The following B4GALNT4 variants were observed in gnomAD, a reference collection of about 807,000 sequenced individuals.
B4GALNT4 encodes beta-1,4-N-acetyl-galactosaminyltransferase 4.
B4GALNT4 carries 77 observed loss-of-function variants against 110.0 expected under a neutral mutation model. That is an observed-to-expected ratio of 0.70 (90% CI 0.58 to 0.85). The LOEUF is 0.85. Among genes scored for constraint, B4GALNT4 ranks in the 40% least tolerant of loss-of-function variants. The pLI is 0.00. For missense variants in B4GALNT4, 1,575 were observed against 1,506.0 expected (o/e 1.05, Z -0.76); for synonymous variants, 785 against 655.5 (o/e 1.20, Z -3.02).
intron 8 of B4GALNT4, among the ~76,000 whole-genome samples, chr11:374,328 C>A (rs927690075): frequency 2.6e-5 from 4 of 151,656 alleles, no homozygotes; most frequent in Non-Finnish European, 5.9e-5. Context: ...TCCTCAAACC[C>A]AGGGAGGTGG....
At position 369,969 on chromosome 11, in the gene B4GALNT4, G is replaced by C. The variant is rs1336665303; in HGVS notation, c.151+15G>C. On this transcript the variant is annotated intron_variant, in intron 1 of 19. Transcript: ENST00000329962. ...CTACGGGCGAGGTACGGCGCGGGGGGCGCGGGGGGCGCGGGGGGCGGGGGC... is the reference window on the plus strand; with the variant it reads ...CTACGGGCGAGGTACGGCGCGGGGGCCGCGGGGGGCGCGGGGGGCGGGGGC... The C allele has an allele frequency of 8.4e-6, 5 of 596,226 alleles. No individual in the cohort carries two copies. The highest frequency in any genetic ancestry group is 2.3e-5 in the African/African-American group (1 of 44,130). 36.9% of individuals were successfully genotyped at this position (596,226 alleles called of 1,614,324 possible). A position where few individuals can be genotyped will look rare whatever the true frequency, so the allele number is the denominator to read the frequency against.
rs114174382 is a variant in B4GALNT4 at position 371,706 on chromosome 11, C to T, written c.152-403C>T. On this transcript the variant is annotated intron_variant, in intron 1 of 19. Coordinates refer to ENST00000329962, the MANE Select transcript of B4GALNT4 (RefSeq NM_178537.5). ...GAGGCAGACGTGGAACACTCCAGCA[C>T]ACAGAGAAAGTGCTGAGGGCACAGG... Among the ~76,000 whole-genome samples the T allele has an allele frequency of 7.3e-3, 1,114 of 152,350 alleles. 21 individuals carry two copies. Among genetic ancestry groups the T allele is most frequent in the African/African-American group, 0.025 (1,052 of 41,572 alleles).
In B4GALNT4 at chr11:376,415, C is replaced by T. The variant is rs202159132; in HGVS notation, c.1298-6C>T. ...GCAGGGAGCTTCTAACCCGCGTTTC[C>T]CGCAGACTTCCTGGACGACGAGGAC... On this transcript the variant is annotated splice_polypyrimidine_tract_variant and splice_region_variant and intron_variant, in intron 13 of 19. Coordinates refer to ENST00000329962, the MANE Select transcript of B4GALNT4 (RefSeq NM_178537.5). The T allele has an allele frequency of 1.3e-4, 205 of 1,600,432 alleles. No individual in the cohort carries two copies. The African/African-American group carries it at 2.3e-3, about 18-fold the overall frequency.
chr11:369,514 C>CTCCGCGG lies in B4GALNT4; in HGVS notation c.-290_-289insTCCGCGG, dbSNP rs533035555. On this transcript the variant is annotated 5_prime_UTR_variant, in exon 1 of 20. Coordinates refer to ENST00000329962, the MANE Select transcript of B4GALNT4 (RefSeq NM_178537.5). ...GCCGGGGCCCGATCCGCGGTGGCAG[C>CTCCGCGG]CGTGGATGCTGTTCGGTCCCGCCGC... Among the ~76,000 whole-genome samples the CTCCGCGG allele has an allele frequency of 0.14, 19,098 of 137,190 alleles. 1,433 individuals are homozygous for CTCCGCGG. The highest frequency in any genetic ancestry group is 0.19 in the Admixed American group (2,639 of 14,000). 90.0% of individuals were successfully genotyped at this position (137,190 alleles called of 152,430 possible).
chr11:377,462 C>G (rs1164223300), intron 14 of B4GALNT4, 135 bp downstream of exon 14: 3 of 954,358 alleles, frequency 3.1e-6, no homozygotes, highest in Middle Eastern at 3.5e-4. Context: ...GCTGAGGCAC[C>G]GCGCCCCACC....
chr11:371,636 A>T (rs1266446847), intron 1 of B4GALNT4, among the ~76,000 whole-genome samples: 1 of 152,216 alleles, frequency 6.6e-6, no homozygotes, highest in Non-Finnish European at 1.5e-5. Flanking sequence ...TTCAGGAGAG[A>T]CTACAGTCCC....
Position 379,518 on chromosome 11 carries a change from G to C in B4GALNT4, c.2305G>C (p.Gly769Arg). Residue 769 changes from glycine to arginine, a missense_variant, in exon 15 of 20, where the codon GGC (glycine) becomes CGC (arginine). By Grantham distance (125) the Gly-to-Arg change is moderately radical. Coordinates refer to ENST00000329962, the MANE Select transcript of B4GALNT4 (RefSeq NM_178537.5). ...LELELQERGG[G>R]RLRLSEYVFL... ...GCTGGAGCTGCAGGAGCGCGGGGGC[G>C]GCCGCCTGCGACTGTCCGAGTACGT... 1 of 1,578,898 alleles carries C rather than the reference G, an allele frequency of 6.3e-7. No individual in the cohort carries two copies. Among genetic ancestry groups the C allele is most frequent in the South Asian group, 1.1e-5 (1 of 88,156 alleles).
At position 376,325 on chromosome 11, in the gene B4GALNT4, G is replaced by C. The variant is rs768215487; in HGVS notation, c.1271G>C (p.Arg424Pro). 4.3e-6 allele frequency: 7 copies of C among 1,609,426 alleles called. No individual in the cohort carries two copies. The African/African-American group carries it at 9.4e-5, about 22-fold the overall frequency. Reference protein sequence around the residue: ...DEDEEDEVQRRAFLFLNPDDF... With the variant: ...DEDEEDEVQRPAFLFLNPDDF... ...GATGAAGAAGACGAGGTGCAGCGCC[G>C]AGCCTTCCTCTTCCTCAACCCGGAC... Residue 424 changes from arginine to proline, a missense_variant, in exon 13 of 20, where the codon CGA becomes CCA. Physicochemically the swap from Arg to Pro is moderately radical, Grantham distance 103. Transcript: ENST00000329962.
chr11:379,845 C>T (rs1564872488), intron 15 of B4GALNT4, 21 bp from the exon 16 acceptor site: 2 of 1,578,192 alleles, frequency 1.3e-6, no homozygotes, highest in African/African-American at 1.3e-5. Flanking sequence ...CTCAGCGCCC[C>T]CCCCGCCTTT....
At chr11:380,492 C>T (rs748490839) in intron 18 of B4GALNT4, 47 bp downstream of exon 18, 6 of 1,540,726 alleles carry the variant, frequency 3.9e-6, no homozygotes, top group Non-Finnish European at 4.4e-6. Context: ...TTCCCACCAA[C>T]CGCCGCGGTA....
In B4GALNT4 at chr11:375,879, G is replaced by C. The variant is rs760106667; in HGVS notation, c.1018G>C (p.Val340Leu). The C allele has an allele frequency of 1.9e-6, 3 of 1,611,540 alleles. No individual in the cohort carries two copies. Among genetic ancestry groups the C allele is most frequent in the Non-Finnish European group, 2.5e-6 (3 of 1,179,454 alleles). Reference sequence around the variant, plus strand: ...CATGGAATCTTCGAGCCTGGAGAACGTGCTGGAGCCCTGCGCCTACGCCCC... The same window carrying C: ...CATGGAATCTTCGAGCCTGGAGAACCTGCTGGAGCCCTGCGCCTACGCCCC... The part of the protein sequence containing the change: ...PRMESSSLEN[V>L]LEPCAYAPTY... Residue 340 changes from valine to leucine, a missense_variant, in exon 11 of 20, where the codon GTG becomes CTG. Coordinates refer to ENST00000329962, the MANE Select transcript of B4GALNT4 (RefSeq NM_178537.5).
chr11:373,540 G>C, intron 7 of B4GALNT4, 24 bp downstream of exon 7: 1 of 1,609,268 alleles, frequency 6.2e-7, no homozygotes, highest in East Asian at 2.2e-5. Context: ...GGGTGCATGT[G>C]CGTGCACTTG....
rs1376228304 is a variant in B4GALNT4, at chr11:369,657, G to A, written c.-147G>A. ...CCTGGGGGGGTCGCGGCCGCACCCG[G>A]TGGCCGCGCACGGCGGACAAAGGAC... On this transcript the variant is annotated 5_prime_UTR_variant, in exon 1 of 20. In the 5' UTR this introduces an upstream ATG that the reference lacks. Transcript: ENST00000329962. 1.3e-5 allele frequency: 4 copies of A among 306,244 alleles called. No homozygotes were observed. The highest frequency in any genetic ancestry group is 1.9e-5 in the Non-Finnish European group (4 of 213,420). 19.0% of individuals were successfully genotyped at this position (306,244 alleles called of 1,614,324 possible).
At chr11:381,186 C>T (rs1846868184) in intron 19 of B4GALNT4, 4 of 972,238 alleles carry the variant, frequency 4.1e-6, no homozygotes, top group East Asian at 1.2e-4. Flanking sequence ...ACCAGCTCTG[C>T]CCCCGATCCC....
At position 379,981 on chromosome 11, in the gene B4GALNT4, G is replaced by C. The variant is rs1288739947; in HGVS notation, c.2604G>C (p.Met868Ile). Residue 868 changes from methionine to isoleucine, a missense_variant, in exon 16 of 20, where the codon ATG becomes ATC. Met to Ile is a conservative substitution (Grantham distance 10). Coordinates refer to ENST00000329962, the MANE Select transcript of B4GALNT4 (RefSeq NM_178537.5). The stretch of plus-strand genomic sequence containing the variant: ...TGGTGGATTTCGAGAGCGAGGATAT[G>C]GACGTGGAGCGGGCCCTGCGCGCCG... ...VVLVDFESED[M>I]DVERALRAAR... is the part of the protein sequence containing the mutation. The C allele has an allele frequency of 6.2e-7, 1 of 1,613,046 alleles. No homozygotes were observed. The highest frequency in any genetic ancestry group is 1.7e-5 in the Admixed American group (1 of 60,004).
At position 379,615 on chromosome 11, in the gene B4GALNT4, C is replaced by T; in HGVS notation, c.2402C>T (p.Ser801Phe). ...GESPEPAPAA[S>F]VRPDGRPELC... ...AGTCCCGAACCCGCTCCCGCCGCCT[C>T]CGTGCGCCCCGACGGCCGCCCCGAG... Residue 801 changes from serine (S) to phenylalanine (F), a missense_variant, in exon 15 of 20, where the codon TCC becomes TTC. Coordinates refer to ENST00000329962, the MANE Select transcript of B4GALNT4 (RefSeq NM_178537.5). 6.5e-7 allele frequency: 1 copy of T among 1,538,404 alleles called. No homozygotes were observed. Among genetic ancestry groups the T allele is most frequent in the Non-Finnish European group, 8.7e-7 (1 of 1,146,148 alleles).
Position 379,544 on chromosome 11 carries a change from C to A in B4GALNT4, c.2331C>A (p.Val777=), listed in dbSNP as rs764656249. 2 of 1,586,902 alleles carry A rather than the reference C, an allele frequency of 1.3e-6. No homozygotes were observed. The highest frequency in any genetic ancestry group is 1.7e-6 in the Non-Finnish European group (2 of 1,169,488). ...GGGRLRLSEY[V]FLRLPGARVG... is the part of the protein sequence containing the mutation. The stretch of plus-strand genomic sequence containing the variant: ...GCCGCCTGCGACTGTCCGAGTACGT[C>A]TTCCTGCGGCTGCCGGGAGCCCGCG... The change falls in exon 15 of 20, where the codon GTC becomes GTA. Residue 777 remains valine (V), a synonymous_variant. Coordinates refer to ENST00000329962, the MANE Select transcript of B4GALNT4 (RefSeq NM_178537.5).
rs770811626 is a variant in B4GALNT4 at position 375,772 on chromosome 11, C to T, written c.984C>T (p.Leu328=). 6.3e-7 allele frequency: 1 copy of T among 1,598,790 alleles called. No individual in the cohort carries two copies. Among genetic ancestry groups the T allele is most frequent in the East Asian group, 2.2e-5 (1 of 44,680 alleles). Reference sequence around the variant, plus strand: ...CAGATCCCAGGGATACCTTTTTCCTCAGTGAGAGGGGGCCCGCGCGGGGGC... The same window carrying T: ...CAGATCCCAGGGATACCTTTTTCCTTAGTGAGAGGGGGCCCGCGCGGGGGC... ...LRPDPRDTFF[L]TPRMESSSLE... Residue 328 remains leucine, a splice_region_variant and synonymous_variant, in exon 10 of 20, where the codon CTC becomes CTT. Transcript: ENST00000329962.
In B4GALNT4 at chr11:372,345, C is replaced by T. The variant is rs112214988; in HGVS notation, c.255+133C>T. The T allele has an allele frequency of 1.4e-3, 1,106 of 818,232 alleles. 13 individuals are homozygous for T. In the African/African-American group the frequency reaches 0.016, roughly 12 times the overall value. 50.7% of individuals were successfully genotyped at this position (818,232 alleles called of 1,614,324 possible). A position where few individuals can be genotyped will look rare whatever the true frequency, so the allele number is the denominator to read the frequency against. ...CATGAGACACAGGACATGTGGGGCA[C>T]GGCACAGCTTGTCTGTGTGAGCTCC... is the stretch of plus-strand genomic sequence containing the variant. On this transcript the variant is annotated intron_variant, in intron 2 of 19. Transcript: ENST00000329962.
Sources: allele counts gnomAD v4.1 joint callset (sites outside exome capture counted in the v4.1 genomes callset), GRCh38; gene constraint gnomAD v4.1.1; transcripts MANE v1.5; gene names NCBI Gene and HGNC (gene_info 2026-07-23, HGNC 2026-07-21).